Variants in EYA2 observed in about 807,000 individuals in gnomAD.
EYA2 encodes the protein EYA transcriptional coactivator and phosphatase 2.
EYA2 carries 31 observed loss-of-function variants against 69.2 expected under a neutral mutation model. The ratio of observed to expected loss-of-function variants is 0.45; its 90% confidence interval spans 0.34 to 0.60. EYA2 has a LOEUF of 0.60. EYA2 is among the 20% of genes least tolerant of loss of function. The pLI is 0.02. For synonymous variants in EYA2, 257 were observed against 279.4 expected, an observed-to-expected ratio of 0.92 and a Z score of 0.80; for missense variants, 622 against 701.2, an observed-to-expected ratio of 0.89 and a Z score of 1.28.
At chr20:47,138,622 G>T (rs1302722142) in intron 9 of EYA2, among the ~76,000 whole-genome samples, 1 of 152,012 alleles carries the variant, frequency 6.6e-6, no homozygotes, top group Admixed American at 6.6e-5. Flanking sequence ...CAGGCGTGGT[G>T]GTGCACACCT....
chr20:47,014,224 C>G (rs1983261110), intron 4 of EYA2, among the ~76,000 whole-genome samples: 1 of 152,156 alleles, frequency 6.6e-6, no homozygotes, highest in Non-Finnish European at 1.5e-5. Flanking sequence ...GTCAATGAAG[C>G]AAACCATCTA....
chr20:47,145,425 A>T (rs1170339799), intron 10 of EYA2, among the ~76,000 whole-genome samples: 1 of 152,160 alleles, frequency 6.6e-6, no homozygotes, highest in Non-Finnish European at 1.5e-5. Flanking sequence ...TGCAGGAGTA[A>T]AAGTATGGAG....
intron 10 of EYA2, among the ~76,000 whole-genome samples, chr20:47,156,182 A>G (rs576182548): frequency 2.0e-4 from 18 of 90,996 alleles, no homozygotes; most frequent in South Asian, 4.5e-4. Context: ...ATATATATAT[A>G]TATTAGCCGG....
At chr20:47,138,757 A>T (rs1017107704) in intron 9 of EYA2, among the ~76,000 whole-genome samples, 1 of 152,120 alleles carries the variant, frequency 6.6e-6, no homozygotes, top group African/African-American at 2.4e-5. Context: ...CTCAAAAAAA[A>T]AAAAAATCTA....
intron 9 of EYA2, among the ~76,000 whole-genome samples, chr20:47,121,429 T>A (rs1218231981): frequency 6.6e-6 from 1 of 152,196 alleles, no homozygotes; most frequent in Non-Finnish European, 1.5e-5. Flanking sequence ...TTATTTCATC[T>A]TGGGTGAGTT....
intron 1 of EYA2, among the ~76,000 whole-genome samples, chr20:46,976,308 A>T (rs1213258310): frequency 1.3e-5 from 2 of 152,220 alleles, no homozygotes; most frequent in African/African-American, 4.8e-5. Context: ...GGTGGACACC[A>T]GGATTTTGCT....
chr20:47,088,960 C>G (rs546540332), intron 7 of EYA2, among the ~76,000 whole-genome samples: 163 of 152,328 alleles, frequency 1.1e-3, no homozygotes, highest in Non-Finnish European at 1.9e-3. Context: ...ACTGTCTCCT[C>G]TCACTAGCGT....
In EYA2 at chr20:47,005,733, G is replaced by T. The variant is rs1336824844; in HGVS notation, c.298+649G>T. On this transcript the variant is annotated intron_variant, in intron 4 of 15. Coordinates refer to ENST00000327619, the MANE Select transcript of EYA2 (RefSeq NM_005244.5). ...TATCAGAAGAAGGAGAAATGGATGT[G>T]GTGGAGGACGGGGCAGAAACAACAG... Among the ~76,000 whole-genome samples the T allele has an allele frequency of 2.0e-5, 3 of 152,206 alleles. No individual in the cohort carries two copies. The East Asian group carries it at 5.8e-4, about 29-fold the overall frequency.
At chr20:47,161,544 G>A (rs1046772377) in intron 10 of EYA2, 4 of 391,412 alleles carry the variant, frequency 1.0e-5, no homozygotes, top group African/African-American at 2.1e-5. Flanking sequence ...GGGGATAGAC[G>A]TCCACTCCTT....
intron 4 of EYA2, among the ~76,000 whole-genome samples, chr20:47,005,996 C>T (rs947735293): frequency 8.5e-5 from 13 of 152,252 alleles, no homozygotes; most frequent in Admixed American, 3.9e-4. Flanking sequence ...AGGGCACTGG[C>T]TTCAGGCAGG....
chr20:46,985,715 C>T (rs892347033), intron 1 of EYA2, among the ~76,000 whole-genome samples: 22 of 152,104 alleles, frequency 1.4e-4, no homozygotes, highest in African/African-American at 5.1e-4. Flanking sequence ...TTAATTGGGC[C>T]GCCACTGTTC....
rs779945744 is a variant in EYA2 at position 47,182,628 on chromosome 20, T to TCAAAA, written c.1436-663_1436-662insCAAAA. On this transcript the variant is annotated intron_variant, in intron 14 of 15. Transcript: ENST00000327619. ...TGGGCAACAAGAACGAGACTCCGTC[T>TCAAAA]AAAAAAAAAAAAAAAAGGTTAAGAT... Among the ~76,000 whole-genome samples, 58 of 84,332 alleles carry TCAAAA rather than the reference T, an allele frequency of 6.9e-4. 9 individuals carry two copies. Among genetic ancestry groups the TCAAAA allele is most frequent in the East Asian group, 1.8e-3 (5 of 2,710 alleles). The allele number at this position is 84,332 out of a possible 152,430, so 55.3% of individuals were successfully genotyped here. A position where few individuals can be genotyped will look rare whatever the true frequency, so the allele number is the denominator to read the frequency against.
rs116436245 is a variant in EYA2, at chr20:46,937,696, C to T, written c.-11+42709C>T. ...CCTTTTTAAATCCAACCTTTCAGGA[C>T]GTACTTCCAGCAAGGCAATTTGGAA... On this transcript the variant is annotated intron_variant, in intron 1 of 15. Coordinates refer to ENST00000327619, the MANE Select transcript of EYA2 (RefSeq NM_005244.5). 4.2e-3 allele frequency among the ~76,000 whole-genome samples: 601 copies of T among 144,254 alleles called. 7 individuals carry two copies. The highest frequency in any genetic ancestry group is 0.015 in the African/African-American group (577 of 38,618). The allele number at this position is 144,254 out of a possible 152,430, so 94.6% of individuals were successfully genotyped here.
At chr20:47,151,371 A>C (rs1032740300) in intron 10 of EYA2, among the ~76,000 whole-genome samples, 1 of 140,512 alleles carries the variant, frequency 7.1e-6, no homozygotes, top group African/African-American at 2.9e-5. Context: ...ACTCCATCTC[A>C]AAAAAAAAAA....
intron 1 of EYA2, among the ~76,000 whole-genome samples, chr20:46,977,646 CAATG>C (rs1980543562): frequency 6.6e-6 from 1 of 152,228 alleles, no homozygotes; most frequent in Non-Finnish European, 1.5e-5. Context: ...CAGCCTGACT[CAATG>C]AATGAATCAG....
At chr20:47,098,728 C>G (rs2032333630) in intron 9 of EYA2, among the ~76,000 whole-genome samples, 1 of 152,202 alleles carries the variant, frequency 6.6e-6, no homozygotes, top group South Asian at 2.1e-4. Context: ...TCTGGTCTCC[C>G]AGCTTCTACT....
chr20:46,987,964 C>CTATATA (rs71183225), intron 1 of EYA2, among the ~76,000 whole-genome samples: 133 of 11,184 alleles, frequency 0.012, 7 homozygotes, highest in Admixed American at 0.013. Flanking sequence ...CTCTCTCTCT[C>CTATATA]TATATATATA....
intron 1 of EYA2, among the ~76,000 whole-genome samples, chr20:46,906,401 T>A (rs1984359082): frequency 1.3e-5 from 2 of 152,242 alleles, no homozygotes; most frequent in South Asian, 4.1e-4. Flanking sequence ...AATGCTGTGC[T>A]GCTTTCAGGG....
At chr20:47,059,913 T>C (rs973520489) in intron 5 of EYA2, among the ~76,000 whole-genome samples, 6 of 152,206 alleles carry the variant, frequency 3.9e-5, no homozygotes, top group South Asian at 2.1e-4. Context: ...CTTTCACTAT[T>C]CTGTCTTCCT....
Sources: allele counts gnomAD v4.1 joint callset (sites outside exome capture counted in the v4.1 genomes callset), GRCh38; gene constraint gnomAD v4.1.1; transcripts MANE v1.5; gene names NCBI Gene and HGNC (gene_info 2026-07-23, HGNC 2026-07-21).